PCDH11Y: variants seen among roughly 807,000 people sequenced by gnomAD.
The protein encoded by PCDH11Y is protocadherin 11 Y-linked.
For synonymous variants in PCDH11Y, 9 were observed against 83.6 expected, an observed-to-expected ratio of 0.11 and a Z score of 4.87; for missense variants, 12 against 224.8, an observed-to-expected ratio of 0.05 and a Z score of 6.05.
At chrY:5,414,418 A>T (rs2053251081) in intron 2 of PCDH11Y, among the ~76,000 whole-genome samples, 1 of 30,078 alleles carries the variant, frequency 3.3e-5, no homozygotes, top group Non-Finnish European at 7.9e-5. Flanking sequence ...TTTTCTTAGT[A>T]TTAATTTTTA....
chrY:5,727,875 A>G (rs2053599939), intron 4 of PCDH11Y, among the ~76,000 whole-genome samples: 2 of 32,758 alleles, frequency 6.1e-5, no homozygotes, highest in Non-Finnish European at 1.5e-4. Context: ...ATTTTCATAT[A>G]GAGAACACTT....
intron 2 of PCDH11Y, among the ~76,000 whole-genome samples, chrY:5,351,473 T>G: frequency 3.2e-5 from 1 of 31,568 alleles, no homozygotes; most frequent in Non-Finnish European, 7.6e-5. Flanking sequence ...AAAAGTTTCA[T>G]TGCCAATGAT....
At chrY:5,723,196 G>T (rs2053596356) in intron 4 of PCDH11Y, among the ~76,000 whole-genome samples, 2 of 31,184 alleles carry the variant, frequency 6.4e-5, no homozygotes, top group African/African-American at 2.5e-4. Context: ...CACAGGAAAA[G>T]AAATAAAAGA....
At chrY:5,598,236 G>A (rs2053469485) in intron 4 of PCDH11Y, among the ~76,000 whole-genome samples, 1 of 31,759 alleles carries the variant, frequency 3.1e-5, no homozygotes, top group African/African-American at 1.2e-4. Context: ...TATAAATATA[G>A]GCAATCATAT....
intron 3 of PCDH11Y, among the ~76,000 whole-genome samples, chrY:5,515,587 A>G (rs2053371174): frequency 8.4e-3 from 282 of 33,674 alleles, no homozygotes; most frequent in African/African-American, 0.03. Flanking sequence ...TAAAATTCAT[A>G]TGGAACCAAA....
At chrY:5,115,866 G>A (rs2052809578) in intron 2 of PCDH11Y, among the ~76,000 whole-genome samples, 1 of 27,917 alleles carries the variant, frequency 3.6e-5, no homozygotes, top group Admixed American at 3.5e-4. Context: ...TCAGCCTCCT[G>A]AGTAGCTGGG....
intron 3 of PCDH11Y, among the ~76,000 whole-genome samples, chrY:5,521,056 G>T (rs2053380276): frequency 3.0e-5 from 1 of 33,030 alleles, no homozygotes; most frequent in Non-Finnish European, 7.4e-5. Context: ...ATATTGTTAA[G>T]CTGCCTGACA....
chrY:5,614,519 C>T lies in PCDH11Y; in HGVS notation c.3352+32721C>T, dbSNP rs371372993. 1.7e-4 allele frequency among the ~76,000 whole-genome samples: 5 copies of T among 29,839 alleles called. No individual in the cohort carries two copies. The East Asian group carries it at 4.5e-3, about 27-fold the overall frequency. The allele number at this position is 29,839 out of a possible 37,273, so 80.1% of individuals were successfully genotyped here. ...TCTTAGGTTCACTTAATGATTCATG[C>T]GGCTTCATGTGCCTGCTTATATGCT... On this transcript the variant is annotated intron_variant, in intron 4 of 4. Transcript: ENST00000400457.
intron 1 of PCDH11Y, among the ~76,000 whole-genome samples, chrY:5,068,540 C>CTTTGTG (rs2052691544): frequency 1.5e-4 from 3 of 19,841 alleles, no homozygotes; most frequent in African/African-American, 4.6e-4. Context: ...TCTTTGTGTC[C>CTTTGTG]TCTGTGTGTG....
intron 4 of PCDH11Y, among the ~76,000 whole-genome samples, chrY:5,728,646 T>C: frequency 3.0e-5 from 1 of 33,152 alleles, no homozygotes; most frequent in Non-Finnish European, 7.5e-5. Context: ...TTTTAGTTTT[T>C]TAAATTTCAA....
chrY:5,601,859 C>G (rs2124699611), intron 4 of PCDH11Y, among the ~76,000 whole-genome samples: 1 of 32,766 alleles, frequency 3.1e-5, no homozygotes, highest in Non-Finnish European at 7.5e-5. Context: ...GAGGCATATA[C>G]CATGCAAATT....
chrY:5,695,189 T>C, intron 4 of PCDH11Y, among the ~76,000 whole-genome samples: 1 of 32,113 alleles, frequency 3.1e-5, no homozygotes, highest in South Asian at 7.1e-4. Context: ...CTTGCTGAAC[T>C]GACCACTTCG....
chrY:5,196,663 T>C (rs2052918941), intron 2 of PCDH11Y, among the ~76,000 whole-genome samples: 1 of 22,920 alleles, frequency 4.4e-5, no homozygotes. Context: ...TTTTAATGAT[T>C]GCCATTCTAA....
At chrY:5,597,375 A>G in intron 4 of PCDH11Y, among the ~76,000 whole-genome samples, 1 of 28,083 alleles carries the variant, frequency 3.6e-5, no homozygotes, top group Non-Finnish European at 8.3e-5. Flanking sequence ...GTATATATAT[A>G]CATATATATG....
intron 2 of PCDH11Y, among the ~76,000 whole-genome samples, chrY:5,244,034 A>G (rs1458841430): frequency 1.2e-4 from 4 of 33,384 alleles, no homozygotes; most frequent in South Asian, 6.5e-4. Context: ...CACACTCTTC[A>G]GCAAGTGCAA....
intron 3 of PCDH11Y, among the ~76,000 whole-genome samples, chrY:5,522,182 T>C: frequency 3.1e-5 from 1 of 32,175 alleles, no homozygotes; most frequent in Admixed American, 2.9e-4. Context: ...CAAGAAATAG[T>C]ATTTTTTACT....
intron 2 of PCDH11Y, among the ~76,000 whole-genome samples, chrY:5,431,184 AT>A: frequency 3.0e-5 from 1 of 33,588 alleles, no homozygotes; most frequent in East Asian, 8.0e-4. Flanking sequence ...ACAGAAAGTA[AT>A]TTGTAAAACT....
At chrY:5,029,491 C>T in intron 1 of PCDH11Y, among the ~76,000 whole-genome samples, 2 of 32,577 alleles carry the variant, frequency 6.1e-5, no homozygotes, top group African/African-American at 1.2e-4. Context: ...TTATTCAATT[C>T]TTCCTTTCTT....
chrY:5,198,467 T>G (rs2124649564), intron 2 of PCDH11Y, among the ~76,000 whole-genome samples: 1 of 32,614 alleles, frequency 3.1e-5, no homozygotes, highest in East Asian at 8.0e-4. Flanking sequence ...TACTTGTCAA[T>G]TAAAAAGTAA....
Sources: allele counts gnomAD v4.1 joint callset (sites outside exome capture counted in the v4.1 genomes callset), GRCh38; gene constraint gnomAD v4.1.1; transcripts MANE v1.5; gene names NCBI Gene and HGNC (gene_info 2026-07-23, HGNC 2026-07-21).